Variants in PCSK5 observed in about 807,000 individuals in gnomAD.
The protein encoded by PCSK5 is prohormone convertase 5.
A neutral mutation model predicts 233.2 loss-of-function variants in PCSK5; 129 were observed. The ratio of observed to expected loss-of-function variants is 0.55; its 90% CI spans 0.48 to 0.64. The LOEUF is 0.64. PCSK5 is among the 30% of genes least tolerant of loss of function. The probability of loss-of-function intolerance (pLI) is 0.00; values close to 1 mark genes in which losing one functional copy is unlikely to be tolerated. For missense variants in PCSK5, 2,076 were observed against 2,430.1 expected, an observed-to-expected ratio of 0.85 and a Z score of 3.06; for synonymous variants, 825 against 879.2, an observed-to-expected ratio of 0.94 and a Z score of 1.09.
At chr9:76,316,555 T>C (rs2842469) in intron 30 of PCSK5, among the ~76,000 whole-genome samples, 49,899 of 146,590 alleles carry the variant, frequency 0.34, 8,717 homozygotes, top group African/African-American at 0.44. Flanking sequence ...AAGACCCCCA[T>C]CTCTACAAAA....
At chr9:76,350,345 C>A (rs1830088257) in intron 35 of PCSK5, among the ~76,000 whole-genome samples, 1 of 152,092 alleles carries the variant, frequency 6.6e-6, no homozygotes, top group Non-Finnish European at 1.5e-5. Flanking sequence ...ATCACCACCC[C>A]AAAATTAAGA....
chr9:76,145,212 A>G (rs2131781040), intron 10 of PCSK5, among the ~76,000 whole-genome samples: 1 of 152,154 alleles, frequency 6.6e-6, no homozygotes, highest in East Asian at 1.9e-4. Flanking sequence ...AAAATCTCAG[A>G]CTCTTAAGTG....
chr9:76,087,486 T>C (rs988229321), intron 7 of PCSK5, among the ~76,000 whole-genome samples: 3 of 152,198 alleles, frequency 2.0e-5, no homozygotes, highest in Non-Finnish European at 2.9e-5. Context: ...CTAAATTCAG[T>C]GCAACGTGCT....
Position 76,046,160 on chromosome 9 carries a change from G to GTTTT in PCSK5, c.632+19155_632+19158dup, listed in dbSNP as rs71372041. Among the ~76,000 whole-genome samples the GTTTT allele has an allele frequency of 4.6e-3, 268 of 58,008 alleles. 31 individuals are homozygous for GTTTT. Among genetic ancestry groups the GTTTT allele is most frequent in the East Asian group, 8.1e-3 (16 of 1,976 alleles). 38.1% of individuals were successfully genotyped at this position (58,008 alleles called of 152,430 possible). On this transcript the variant is annotated intron_variant, in intron 5 of 37. Coordinates refer to ENST00000674117, the MANE Select transcript of PCSK5 (RefSeq NM_001372043.1). ...GCATTAACACATAATTTTTTCTTTT[G>GTTTT]TTTTTTTTTTTTTTTTTTTTTTTTT...
intron 24 of PCSK5, among the ~76,000 whole-genome samples, chr9:76,247,163 G>A (rs1355300657): frequency 6.6e-6 from 1 of 152,218 alleles, no homozygotes; most frequent in Non-Finnish European, 1.5e-5. Context: ...GCTGGATCAG[G>A]AGCACAGTGG....
intron 5 of PCSK5, 30 bp downstream of exon 5, chr9:76,027,067 G>A: frequency 6.7e-7 from 1 of 1,490,076 alleles, no homozygotes; most frequent in Non-Finnish European, 9.3e-7. Flanking sequence ...TGGCTGGCAT[G>A]TGGCTGGCAA....
chr9:76,005,755 A>G (rs1422009309), intron 3 of PCSK5, among the ~76,000 whole-genome samples: 3 of 152,208 alleles, frequency 2.0e-5, no homozygotes, highest in African/African-American at 7.2e-5. Flanking sequence ...GATATTGCTA[A>G]ATCTCCCTCA....
intron 1 of PCSK5, among the ~76,000 whole-genome samples, chr9:75,910,592 T>C (rs1010426260): frequency 6.6e-6 from 1 of 151,608 alleles, no homozygotes; most frequent in Admixed American, 6.6e-5. Context: ...TTTTTTTTTT[T>C]CTCTTTCCAT....
chr9:76,354,000 A>G, intron 36 of PCSK5, 33 bp from the exon 37 acceptor site: 1 of 1,537,038 alleles, frequency 6.5e-7, no homozygotes, highest in Non-Finnish European at 8.9e-7. Context: ...ATCCCTTTAC[A>G]CTCAAAAGGA....
At chr9:76,099,122 T>C (rs1259420559) in intron 8 of PCSK5, among the ~76,000 whole-genome samples, 2 of 152,206 alleles carry the variant, frequency 1.3e-5, no homozygotes, top group Non-Finnish European at 1.5e-5. Context: ...TTTAATGCAT[T>C]TCTTCTGTTT....
intron 5 of PCSK5, among the ~76,000 whole-genome samples, chr9:76,064,038 C>A (rs1156539098): frequency 1.1e-5 from 1 of 88,560 alleles, no homozygotes; most frequent in Admixed American, 9.7e-5. Flanking sequence ...CCGGACGGGG[C>A]AGCTGGCCGG....
Position 76,023,751 on chromosome 9 carries a change from A to G in PCSK5, c.425A>G (p.Asn142Ser), listed in dbSNP as rs755577612. The G allele has an allele frequency of 5.0e-6, 8 of 1,612,416 alleles. No individual in the cohort carries two copies. The Admixed American group carries it at 5.0e-5, about 10-fold the overall frequency. Residue 142 changes from asparagine (N) to serine (S), a missense_variant, in exon 4 of 38, where the codon AAT (asparagine) becomes AGT (serine). Coordinates refer to ENST00000674117, the MANE Select transcript of PCSK5 (RefSeq NM_001372043.1). ...PSMWYMHCSD[N>S]THPCQSDMNI... ...TTCTTCTTTCAGCACTGCAGTGACA[A>G]TACACATCCCTGCCAGTCTGACATG...
At chr9:76,283,971 C>CTGG in intron 24 of PCSK5, among the ~76,000 whole-genome samples, 1 of 152,304 alleles carries the variant, frequency 6.6e-6, no homozygotes, top group South Asian at 2.1e-4. Context: ...GCCATTTCTT[C>CTGG]TGGTTACAAT....
At chr9:76,117,218 A>G (rs1035619933) in intron 9 of PCSK5, among the ~76,000 whole-genome samples, 2 of 152,112 alleles carry the variant, frequency 1.3e-5, no homozygotes, top group African/African-American at 4.8e-5. Context: ...GGTCCTTGCC[A>G]GAGCTGCCAG....
chr9:76,027,184 CCTCTGAGT>C, intron 5 of PCSK5, 147 bp downstream of exon 5: 2 of 562,598 alleles, frequency 3.6e-6, no homozygotes, highest in Admixed American at 3.3e-5. Flanking sequence ...TCCACTGAAG[CCTCTGAGT>C]AAGAAAAAAG....
At position 76,060,001 on chromosome 9, in the gene PCSK5, TC is replaced by T. The variant is rs527601361; in HGVS notation, c.633-7953del. 4.0e-3 allele frequency among the ~76,000 whole-genome samples: 615 copies of T among 152,300 alleles called. 3 individuals carry two copies. The highest frequency in any genetic ancestry group is 0.01 in the Middle Eastern group (3 of 294). On this transcript the variant is annotated intron_variant, in intron 5 of 37. Coordinates refer to ENST00000674117, the MANE Select transcript of PCSK5 (RefSeq NM_001372043.1). ...GTAAAAAGTTATTTTCTGAAGACTT[TC>T]AAGAGCCAAAAGACTTTCTCAAAGG... is the stretch of plus-strand genomic sequence containing the variant.
intron 9 of PCSK5, among the ~76,000 whole-genome samples, chr9:76,111,151 T>C (rs1464051868): frequency 6.6e-6 from 1 of 152,164 alleles, no homozygotes; most frequent in Non-Finnish European, 1.5e-5. Flanking sequence ...GAAATAACTT[T>C]GCTGTAACAG....
chr9:76,001,407 C>A (rs1158563293), intron 3 of PCSK5, among the ~76,000 whole-genome samples: 1 of 150,822 alleles, frequency 6.6e-6, no homozygotes, highest in African/African-American at 2.4e-5. Context: ...TATCTTTAGT[C>A]CTCCAGAAAA....
chr9:76,193,240 C>T (rs1056332242), intron 20 of PCSK5: 3 of 1,612,648 alleles, frequency 1.9e-6, no homozygotes, highest in Non-Finnish European at 1.7e-6. Context: ...GGAAAAGCAA[C>T]GGAAGAGTCC....
Sources: gnomAD v4.1 joint callset for allele counts (sites outside exome capture counted in the v4.1 genomes callset) on GRCh38, gnomAD v4.1.1 for gene constraint, MANE v1.5 for transcripts, NCBI Gene and HGNC (gene_info 2026-07-23, HGNC 2026-07-21) for gene names.